Variants in KCNMA1 observed in about 807,000 individuals in gnomAD.
KCNMA1 encodes potassium calcium-activated channel subfamily M alpha 1.
A neutral mutation model predicts 140.0 loss-of-function variants in KCNMA1; 29 were observed. The observed-to-expected ratio is 0.21, with a 90% CI of 0.15 to 0.28. The LOEUF (loss-of-function observed/expected upper bound fraction) is 0.28, where lower values mean the gene tolerates loss of function less well. Ranked by LOEUF, KCNMA1 falls within the 10% of genes least tolerant of loss-of-function variation. The probability of loss-of-function intolerance (pLI) is 1.00; values close to 1 mark genes in which losing one functional copy is unlikely to be tolerated. For missense variants in KCNMA1, 880 were observed against 1,602.2 expected, an observed-to-expected ratio of 0.55 and a Z score of 7.70; for synonymous variants, 612 against 611.9, an observed-to-expected ratio of 1.00 and a Z score of 0.00.
intron 1 of KCNMA1, among the ~76,000 whole-genome samples, chr10:77,456,747 G>A (rs2097768831): frequency 6.6e-6 from 1 of 152,180 alleles, no homozygotes; most frequent in South Asian, 2.1e-4. Context: ...AAGCAGGTCT[G>A]TGTGCTTGAG....
At chr10:77,366,958 C>T (rs995785972) in intron 2 of KCNMA1, among the ~76,000 whole-genome samples, 1 of 152,322 alleles carries the variant, frequency 6.6e-6, no homozygotes, top group Non-Finnish European at 1.5e-5. Flanking sequence ...TCACTATTTG[C>T]CATGATGCTG....
chr10:76,945,017 G>A, intron 22 of KCNMA1, 52 bp from the exon 23 acceptor site: 1 of 732,266 alleles, frequency 1.4e-6, no homozygotes, highest in Non-Finnish European at 2.0e-6. Flanking sequence ...GAAAGAGACA[G>A]AGAGAGAGAG....
At chr10:77,269,272 A>C (rs2064310272) in intron 2 of KCNMA1, among the ~76,000 whole-genome samples, 1 of 152,232 alleles carries the variant, frequency 6.6e-6, no homozygotes, top group Admixed American at 6.5e-5. Flanking sequence ...CTGAGTTGTT[A>C]ATGATTTCAC....
At chr10:77,034,328 A>T (rs955935850) in intron 15 of KCNMA1, among the ~76,000 whole-genome samples, 7 of 152,072 alleles carry the variant, frequency 4.6e-5, no homozygotes, top group Non-Finnish European at 5.9e-5. Flanking sequence ...GGCTAAAGAA[A>T]TCTATCATAT....
intron 1 of KCNMA1, among the ~76,000 whole-genome samples, chr10:77,613,221 C>G (rs1425904559): frequency 6.6e-6 from 1 of 152,078 alleles, no homozygotes; most frequent in Non-Finnish European, 1.5e-5. Context: ...TATTGTAAGC[C>G]CTCAATAAAT....
At chr10:77,516,856 T>C (rs562667063) in intron 1 of KCNMA1, among the ~76,000 whole-genome samples, 187 of 152,078 alleles carry the variant, frequency 1.2e-3, no homozygotes, top group African/African-American at 4.4e-3. Flanking sequence ...GACTGAAGGG[T>C]GGAGAGGGCC....
intron 13 of KCNMA1, among the ~76,000 whole-genome samples, chr10:77,078,600 C>T (rs1164195097): frequency 1.3e-5 from 2 of 152,220 alleles, no homozygotes; most frequent in African/African-American, 4.8e-5. Flanking sequence ...CCACATTACA[C>T]TCTTACAGAG....
intron 1 of KCNMA1, among the ~76,000 whole-genome samples, chr10:77,476,102 C>A (rs570459139): frequency 3.9e-5 from 6 of 152,182 alleles, no homozygotes; most frequent in Admixed American, 3.9e-4. Context: ...CCTCCTCCAG[C>A]GACTTTGAGC....
chr10:77,620,349 G>A (rs1015677286), intron 1 of KCNMA1, among the ~76,000 whole-genome samples: 1 of 152,174 alleles, frequency 6.6e-6, no homozygotes, highest in African/African-American at 2.4e-5. Context: ...CACTTTCCAT[G>A]CAGGTGCAAG....
At chr10:77,478,128 T>C (rs1603627790) in intron 1 of KCNMA1, among the ~76,000 whole-genome samples, 1 of 152,344 alleles carries the variant, frequency 6.6e-6, no homozygotes, top group East Asian at 1.9e-4. Context: ...TTATGCTCTA[T>C]GAATTCTTGC....
chr10:77,535,870 T>C (rs147695072), intron 1 of KCNMA1, among the ~76,000 whole-genome samples: 29 of 152,282 alleles, frequency 1.9e-4, no homozygotes, highest in African/African-American at 7.0e-4. Flanking sequence ...AGAATGGTAG[T>C]TACCAGAAGC....
intron 6 of KCNMA1, among the ~76,000 whole-genome samples, chr10:77,115,462 C>T (rs575903759): frequency 1.3e-5 from 2 of 152,238 alleles, no homozygotes; most frequent in African/African-American, 4.8e-5. Flanking sequence ...AACTGATAGC[C>T]GGCGACAAAG....
At chr10:77,287,672 A>T (rs976987131) in intron 2 of KCNMA1, among the ~76,000 whole-genome samples, 2 of 152,202 alleles carry the variant, frequency 1.3e-5, no homozygotes, top group African/African-American at 2.4e-5. Flanking sequence ...GCAAAGAGAG[A>T]GAGAGAGGTT....
chr10:77,134,902 G>A (rs2097955536), intron 5 of KCNMA1, among the ~76,000 whole-genome samples: 1 of 145,960 alleles, frequency 6.9e-6, no homozygotes. Flanking sequence ...GCAGGCTGAG[G>A]CAGGAGAATG....
chr10:76,925,575 A>G (rs2057428720), intron 23 of KCNMA1, among the ~76,000 whole-genome samples: 1 of 152,212 alleles, frequency 6.6e-6, no homozygotes, highest in African/African-American at 2.4e-5. Context: ...TTAATCAAAG[A>G]AACGTGAAGA....
chr10:77,362,353 A>ACC (rs1467406713), intron 2 of KCNMA1, among the ~76,000 whole-genome samples: 21 of 27,716 alleles, frequency 7.6e-4, no homozygotes, highest in African/African-American at 1.8e-3. Flanking sequence ...ATCCCCCCCC[A>ACC]CCCCCCCCAC....
chr10:77,633,274 C>T (rs1425891648), intron 1 of KCNMA1, among the ~76,000 whole-genome samples: 1 of 151,956 alleles, frequency 6.6e-6, no homozygotes, highest in Non-Finnish European at 1.5e-5. Flanking sequence ...AAGATCGTGC[C>T]GCTGCACTCC....
intron 2 of KCNMA1, among the ~76,000 whole-genome samples, chr10:77,277,269 T>C (rs2066943388): frequency 1.3e-5 from 2 of 152,204 alleles, no homozygotes; most frequent in African/African-American, 4.8e-5. Context: ...GGAGCATTCC[T>C]GGGCCTCAGC....
intron 29 of KCNMA1, among the ~76,000 whole-genome samples, chr10:76,879,858 C>A (rs1373388179): frequency 6.6e-6 from 1 of 152,174 alleles, no homozygotes; most frequent in Non-Finnish European, 1.5e-5. Context: ...TGATGGTTAT[C>A]ATGTTTTAAA....
Sources: allele counts gnomAD v4.1 joint callset (sites outside exome capture counted in the v4.1 genomes callset), GRCh38; gene constraint gnomAD v4.1.1; transcripts MANE v1.5; gene names NCBI Gene and HGNC (gene_info 2026-07-23, HGNC 2026-07-21).